NPSR1: variants seen among roughly 807,000 people sequenced by gnomAD.
NPSR1 encodes the protein neuropeptide S receptor 1, also known as neuropeptide S receptor.
A neutral mutation model predicts 46.9 loss-of-function variants in NPSR1; 48 were observed. That is an observed-to-expected ratio of 1.02 (90% CI 0.81 to 1.30). The LOEUF is 1.30. Ranked by LOEUF, NPSR1 falls within the 50% of genes most tolerant of loss-of-function variation. The pLI, the probability that NPSR1 is intolerant of heterozygous loss-of-function variation, is 0.00. For missense variants in NPSR1, 450 were observed against 449.5 expected, an observed-to-expected ratio of 1.00 and a Z score of -0.01; for synonymous variants, 176 against 168.1, an observed-to-expected ratio of 1.05 and a Z score of -0.36.
chr7:34,791,058 T>TTA lies in NPSR1; in HGVS notation c.384+12499_384+12500dup, dbSNP rs1225775763. On this transcript the variant is annotated intron_variant, in intron 3 of 8. Transcript: ENST00000360581. ...TATATTATATTATATATGTTATATG[T>TTA]TATATATTATATTATATATGTTATA... Among the ~76,000 whole-genome samples the TTA allele has an allele frequency of 2.0e-4, 23 of 114,066 alleles. No homozygotes were observed. In the East Asian group the frequency reaches 2.3e-3, roughly 11 times the overall value. The allele number at this position is 114,066 out of a possible 152,430, so 74.8% of individuals were successfully genotyped here. A position where few individuals can be genotyped will look rare whatever the true frequency, so the allele number is the denominator to read the frequency against.
At chr7:34,822,595 G>T (rs1789611901) in intron 4 of NPSR1, among the ~76,000 whole-genome samples, 1 of 152,114 alleles carries the variant, frequency 6.6e-6, no homozygotes, top group South Asian at 2.1e-4. Flanking sequence ...ATAAAACTTT[G>T]ATAATTAAAA....
intron 1 of NPSR1, among the ~76,000 whole-genome samples, chr7:34,667,031 A>G (rs994605901): frequency 6.6e-6 from 1 of 152,264 alleles, no homozygotes; most frequent in African/African-American, 2.4e-5. Context: ...TTCTGAAAAC[A>G]TCAGCTCAAA....
chr7:34,868,071 G>A (rs1437697268), intron 8 of NPSR1, among the ~76,000 whole-genome samples: 4 of 151,766 alleles, frequency 2.6e-5, no homozygotes, highest in Non-Finnish European at 4.4e-5. Context: ...TAGCCAAATC[G>A]CCAAATAATC....
intron 2 of NPSR1, among the ~76,000 whole-genome samples, chr7:34,756,273 T>C (rs966568949): frequency 2.6e-5 from 4 of 152,212 alleles, no homozygotes; most frequent in Non-Finnish European, 4.4e-5. Flanking sequence ...GAAAGGAATC[T>C]GTTCCCATCT....
At chr7:34,695,386 G>C (rs1238794964) in intron 2 of NPSR1, among the ~76,000 whole-genome samples, 1 of 151,924 alleles carries the variant, frequency 6.6e-6, no homozygotes. Context: ...AAACTCTACT[G>C]GACATTAGAC....
At chr7:34,788,808 C>A (rs1375910487) in intron 3 of NPSR1, among the ~76,000 whole-genome samples, 1 of 151,904 alleles carries the variant, frequency 6.6e-6, no homozygotes, top group Non-Finnish European at 1.5e-5. Flanking sequence ...CCAAATGGAC[C>A]TAATAGACAC....
intron 2 of NPSR1, among the ~76,000 whole-genome samples, chr7:34,689,389 A>AG (rs1793103242): frequency 6.6e-6 from 1 of 151,694 alleles, no homozygotes; most frequent in Admixed American, 6.6e-5. Flanking sequence ...GCAGATCACA[A>AG]GGTCAGGAGA....
In NPSR1 at chr7:34,857,362, T is replaced by G. The variant is rs543473408; in HGVS notation, c.1025+8699T>G. On this transcript the variant is annotated intron_variant, in intron 8 of 8. Transcript: ENST00000359791. Reference sequence around the variant, plus strand: ...GAGCTTAACTAACCACATATCAAACTTATCATGAAAGAATAATAATGAAAG... The same window carrying G: ...GAGCTTAACTAACCACATATCAAACGTATCATGAAAGAATAATAATGAAAG... Among the ~76,000 whole-genome samples the G allele has an allele frequency of 3.0e-3, 454 of 151,752 alleles. 5 individuals are homozygous for G. The highest frequency in any genetic ancestry group is 4.4e-3 in the Non-Finnish European group (302 of 67,982).
rs528773749 is a variant in NPSR1, at chr7:34,764,625, A to G, written c.281-13837A>G. 3.9e-5 allele frequency among the ~76,000 whole-genome samples: 6 copies of G among 152,364 alleles called. No individual in the cohort carries two copies. The South Asian group carries it at 1.2e-3, about 32-fold the overall frequency. ...GACACTTCCCCAAACAAAAAACTTA[A>G]GTCAGTGTGGGAACAAACACTGTTG... is the stretch of plus-strand genomic sequence containing the variant. On this transcript the variant is annotated intron_variant, in intron 2 of 8. Coordinates refer to ENST00000360581, the MANE Select transcript of NPSR1 (RefSeq NM_207172.2).
At chr7:34,855,511 T>C (rs1791030492) in intron 8 of NPSR1, among the ~76,000 whole-genome samples, 1 of 152,050 alleles carries the variant, frequency 6.6e-6, no homozygotes, top group South Asian at 2.1e-4. Context: ...TGGGAAAACA[T>C]ATAATTGACC....
intron 2 of NPSR1, among the ~76,000 whole-genome samples, chr7:34,769,052 T>G (rs1786559268): frequency 6.6e-6 from 1 of 152,206 alleles, no homozygotes; most frequent in African/African-American, 2.4e-5. Context: ...AATTTACATG[T>G]AATGTTATTA....
chr7:34,705,205 T>C (rs1052863240), intron 2 of NPSR1, among the ~76,000 whole-genome samples: 1 of 152,044 alleles, frequency 6.6e-6, no homozygotes, highest in African/African-American at 2.4e-5. Context: ...GGCGGGCAGA[T>C]CACTGGAGGT....
chr7:34,725,128 C>T (rs1424245918), intron 2 of NPSR1, among the ~76,000 whole-genome samples: 1 of 145,812 alleles, frequency 6.9e-6, no homozygotes, highest in Non-Finnish European at 1.5e-5. Flanking sequence ...CACACACAGA[C>T]ACACACACAC....
At chr7:34,764,884 C>A (rs996670023) in intron 2 of NPSR1, among the ~76,000 whole-genome samples, 2 of 152,138 alleles carry the variant, frequency 1.3e-5, no homozygotes, top group East Asian at 1.9e-4. Context: ...GGCACACTGG[C>A]CTATATGGGT....
chr7:34,764,751 T>A (rs1239599995), intron 2 of NPSR1, among the ~76,000 whole-genome samples: 1 of 152,186 alleles, frequency 6.6e-6, no homozygotes, highest in Non-Finnish European at 1.5e-5. Flanking sequence ...GGAAGTCTCC[T>A]ACTTCTAGGT....
chr7:34,853,699 G>A (rs1231049476), downstream of NPSR1, among the ~76,000 whole-genome samples: 1 of 152,130 alleles, frequency 6.6e-6, no homozygotes, highest in Non-Finnish European at 1.5e-5. Flanking sequence ...GGTGGCTCAC[G>A]CCTGTAATCC....
intron 8 of NPSR1, among the ~76,000 whole-genome samples, chr7:34,855,345 C>A (rs1419534929): frequency 6.6e-6 from 1 of 151,760 alleles, no homozygotes; most frequent in African/African-American, 2.4e-5. Context: ...AATTAATAAA[C>A]CTCTGGTGAG....
In NPSR1 at chr7:34,791,950, A is replaced by C. The variant is rs777589202; in HGVS notation, c.384+13385A>C. ...GATGCCAAAAATAAACAGTGGTGCC[A>C]AAAATAAACAATGGGGAAAGGACAG... is the stretch of plus-strand genomic sequence containing the variant. On this transcript the variant is annotated intron_variant, in intron 3 of 8. Coordinates refer to ENST00000360581, the MANE Select transcript of NPSR1 (RefSeq NM_207172.2). Among the ~76,000 whole-genome samples, 13 of 152,296 alleles carry C rather than the reference A, an allele frequency of 8.5e-5. No homozygotes were observed. The Middle Eastern group carries it at 0.014, about 159-fold the overall frequency.
chr7:34,702,076 C>A (rs1008959498), intron 2 of NPSR1, among the ~76,000 whole-genome samples: 4 of 152,174 alleles, frequency 2.6e-5, no homozygotes, highest in African/African-American at 9.7e-5. Context: ...CCATTGGGAA[C>A]CCAGGCTCCT....
Sources: gnomAD v4.1 joint callset for allele counts (sites outside exome capture counted in the v4.1 genomes callset) on GRCh38, gnomAD v4.1.1 for gene constraint, MANE v1.5 for transcripts, NCBI Gene and HGNC (gene_info 2026-07-23, HGNC 2026-07-21) for gene names.